PPM1L: variants seen among roughly 807,000 people sequenced by gnomAD.
PPM1L encodes the protein protein phosphatase 1L.
In PPM1L, 13 loss-of-function variants were observed where a neutral mutation model predicts 31.4. The ratio of observed to expected loss-of-function variants is 0.41; its 90% confidence interval spans 0.27 to 0.66. The LOEUF (loss-of-function observed/expected upper bound fraction) is 0.66. Ranked by LOEUF, PPM1L falls within the 30% of genes least tolerant of loss-of-function variation. PPM1L has a pLI of 0.29. For synonymous variants in PPM1L, 184 were observed against 175.4 expected, an observed-to-expected ratio of 1.05 and a Z score of -0.39; for missense variants, 326 against 453.7, an observed-to-expected ratio of 0.72 and a Z score of 2.56.
At chr3:161,043,834 G>T (rs926274170) in intron 2 of PPM1L, among the ~76,000 whole-genome samples, 1 of 152,072 alleles carries the variant, frequency 6.6e-6, no homozygotes, top group African/African-American at 2.4e-5. Context: ...CAGGGTGCTG[G>T]AGAGGATGTA....
intron 1 of PPM1L, among the ~76,000 whole-genome samples, chr3:160,948,943 GGT>G (rs1715492613): frequency 6.6e-6 from 1 of 152,084 alleles, no homozygotes; most frequent in African/African-American, 2.4e-5. Context: ...GGTAGAATCT[GGT>G]GTTTTTCACC....
At chr3:160,876,786 G>C (rs1441279410) in intron 1 of PPM1L, among the ~76,000 whole-genome samples, 1 of 152,222 alleles carries the variant, frequency 6.6e-6, no homozygotes, top group Non-Finnish European at 1.5e-5. Context: ...GTGGCCACGT[G>C]GGGGTGGTCA....
intron 2 of PPM1L, among the ~76,000 whole-genome samples, chr3:160,991,046 A>G (rs1717116620): frequency 6.6e-6 from 1 of 151,832 alleles, no homozygotes; most frequent in African/African-American, 2.4e-5. Flanking sequence ...GGCCACATAT[A>G]AAATACATTA....
chr3:160,957,100 G>A (rs1272757985), intron 1 of PPM1L, among the ~76,000 whole-genome samples: 2 of 152,198 alleles, frequency 1.3e-5, no homozygotes, highest in Non-Finnish European at 2.9e-5. Context: ...CATGGCATTT[G>A]AGCCAGACTT....
In PPM1L at chr3:160,783,165, A is replaced by G. The variant is rs368636171; in HGVS notation, c.399+26458A>G. Reference sequence around the variant, plus strand: ...TTTTATAGAAAGGCTTCAGGACCCAATGACTTCCAAAGTCACATCTGTGTC... The same window carrying G: ...TTTTATAGAAAGGCTTCAGGACCCAGTGACTTCCAAAGTCACATCTGTGTC... On this transcript the variant is annotated intron_variant, in intron 1 of 3. Transcript: ENST00000498165. Among the ~76,000 whole-genome samples, 27 of 152,288 alleles carry G rather than the reference A, an allele frequency of 1.8e-4. 1 individual carries two copies. Among genetic ancestry groups the G allele is most frequent in the African/African-American group, 6.3e-4 (26 of 41,550 alleles).
chr3:160,906,904 T>G (rs957069289), intron 1 of PPM1L, among the ~76,000 whole-genome samples: 1 of 152,214 alleles, frequency 6.6e-6, no homozygotes, highest in Non-Finnish European at 1.5e-5. Context: ...GCAGCTGATT[T>G]CCTTTAGAAC....
intron 1 of PPM1L, among the ~76,000 whole-genome samples, chr3:160,847,516 T>C (rs1057477318): frequency 6.6e-6 from 1 of 152,168 alleles, no homozygotes; most frequent in African/African-American, 2.4e-5. Flanking sequence ...TCAATTGTGA[T>C]CTCAACTGGT....
At chr3:161,022,667 T>C (rs1202759064) in intron 2 of PPM1L, among the ~76,000 whole-genome samples, 1 of 140,918 alleles carries the variant, frequency 7.1e-6, no homozygotes, top group Non-Finnish European at 1.5e-5. Flanking sequence ...CTTTTTTTTT[T>C]TTTTTTTTTT....
chr3:160,892,633 G>A (rs943460394), intron 1 of PPM1L, among the ~76,000 whole-genome samples: 28 of 151,280 alleles, frequency 1.9e-4, no homozygotes, highest in African/African-American at 5.3e-4. Context: ...AAACCCCTTC[G>A]TTCCACATTG....
intron 1 of PPM1L, among the ~76,000 whole-genome samples, chr3:160,843,424 T>TTTTA (rs1274803801): frequency 2.0e-5 from 1 of 50,094 alleles, no homozygotes; most frequent in Non-Finnish European, 4.3e-5. Context: ...ATGGCAATTC[T>TTTTA]TTTATATATA....
intron 2 of PPM1L, among the ~76,000 whole-genome samples, chr3:161,062,467 C>T (rs1383043956): frequency 6.6e-6 from 1 of 151,878 alleles, no homozygotes; most frequent in Non-Finnish European, 1.5e-5. Context: ...TATCACCTAC[C>T]CTCTATCCCT....
intron 1 of PPM1L, among the ~76,000 whole-genome samples, chr3:160,783,696 G>T (rs1246314723): frequency 6.6e-6 from 1 of 152,028 alleles, no homozygotes; most frequent in Admixed American, 6.6e-5. Context: ...TTCTATGGTT[G>T]ACTTGATTGA....
intron 1 of PPM1L, among the ~76,000 whole-genome samples, chr3:160,900,585 A>T (rs1284525413): frequency 1.3e-5 from 2 of 151,930 alleles, no homozygotes; most frequent in Non-Finnish European, 2.9e-5. Context: ...ATAATATGAG[A>T]TTTTATTTCC....
chr3:160,819,596 G>A (rs1420564166), intron 1 of PPM1L, among the ~76,000 whole-genome samples: 1 of 151,912 alleles, frequency 6.6e-6, no homozygotes, highest in Admixed American at 6.6e-5. Context: ...TGGTGTTATA[G>A]GGTATCCTAC....
At chr3:160,933,855 T>C (rs1334196593) in intron 1 of PPM1L, among the ~76,000 whole-genome samples, 1 of 152,216 alleles carries the variant, frequency 6.6e-6, no homozygotes, top group Non-Finnish European at 1.5e-5. Context: ...TTTGTATTTG[T>C]GAATTTAAAA....
intron 1 of PPM1L, among the ~76,000 whole-genome samples, chr3:160,926,569 A>G (rs1421815566): frequency 6.6e-6 from 1 of 152,206 alleles, no homozygotes; most frequent in Non-Finnish European, 1.5e-5. Flanking sequence ...CATGCTGAAT[A>G]TGTTCCAGGG....
intron 1 of PPM1L, among the ~76,000 whole-genome samples, chr3:160,855,949 C>G (rs1042462147): frequency 6.6e-6 from 1 of 152,022 alleles, no homozygotes; most frequent in African/African-American, 2.4e-5. Context: ...CTCACACGAT[C>G]ACAAAGTGAG....
At chr3:161,019,104 G>A (rs920202969) in intron 2 of PPM1L, among the ~76,000 whole-genome samples, 12 of 152,112 alleles carry the variant, frequency 7.9e-5, no homozygotes, top group African/African-American at 2.7e-4. Context: ...GATTAATTTG[G>A]TTAATTATTT....
At chr3:161,018,968 CTTG>C (rs1718162700) in intron 2 of PPM1L, among the ~76,000 whole-genome samples, 1 of 152,160 alleles carries the variant, frequency 6.6e-6, no homozygotes, top group African/African-American at 2.4e-5. Flanking sequence ...ACTTTGAGAA[CTTG>C]TTATTTCCCC....
Sources: allele counts gnomAD v4.1 joint callset (sites outside exome capture counted in the v4.1 genomes callset), GRCh38; gene constraint gnomAD v4.1.1; transcripts MANE v1.5; gene names NCBI Gene and HGNC (gene_info 2026-07-23, HGNC 2026-07-21).